PNPLA1: variants seen among roughly 807,000 people sequenced by gnomAD.
The protein encoded by PNPLA1 is patatin like domain 1, omega-hydroxyceramide transacylase, also known as omega-hydroxyceramide transacylase.
In PNPLA1, 36 loss-of-function variants were observed where a neutral mutation model predicts 51.7. The ratio of observed to expected loss-of-function variants is 0.70; its 90% confidence interval spans 0.53 to 0.92. The LOEUF (loss-of-function observed/expected upper bound fraction) is 0.92. Ranked by LOEUF, PNPLA1 falls within the 40% of genes least tolerant of loss-of-function variation. The pLI is 0.00. For synonymous variants in PNPLA1, 293 were observed against 280.1 expected (o/e 1.05, Z -0.46); for missense variants, 658 against 682.5 (o/e 0.96, Z 0.40).
intron 1 of PNPLA1, among the ~76,000 whole-genome samples, chr6:36,259,715 A>G (rs1160560276): frequency 6.6e-6 from 1 of 152,164 alleles, no homozygotes; most frequent in East Asian, 1.9e-4. Context: ...CCATTATCCT[A>G]CACAAATTAA....
At chr6:36,293,218 A>G in intron 3 of PNPLA1, 92 bp downstream of exon 3, 1 of 1,288,468 alleles carries the variant, frequency 7.8e-7, no homozygotes, top group South Asian at 1.2e-5. Context: ...GGGTGGTCTC[A>G]GAATGCAGCG....
chr6:36,299,245 A>T (rs1456341281), intron 5 of PNPLA1, among the ~76,000 whole-genome samples: 1 of 152,146 alleles, frequency 6.6e-6, no homozygotes, highest in Non-Finnish European at 1.5e-5. Flanking sequence ...TTGTTTTCCA[A>T]AGCAGTTGTA....
At chr6:36,289,436 C>T (rs1424005207) in intron 1 of PNPLA1, among the ~76,000 whole-genome samples, 1 of 152,168 alleles carries the variant, frequency 6.6e-6, no homozygotes. Flanking sequence ...TGCTGCCCTC[C>T]CTTGAAGGTA....
rs544879581 is a variant in PNPLA1 at position 36,264,051 on chromosome 6, G to A, written c.-81+20790G>A. Among the ~76,000 whole-genome samples, 17 of 152,242 alleles carry A rather than the reference G, an allele frequency of 1.1e-4. 1 individual carries two copies. In the South Asian group the frequency reaches 2.5e-3, roughly 22 times the overall value. The stretch of plus-strand genomic sequence containing the variant: ...CCCTTCTGCCCCATGACCGAACCTG[G>A]AGCTTCCCCATGCAGTCCTGCATGG... On this transcript the variant is annotated intron_variant, in intron 1 of 7. Coordinates refer to the PNPLA1 transcript ENST00000312917.
chr6:36,291,174 G>A (rs374914325), intron 1 of PNPLA1, 146 bp from the exon 2 acceptor site: 5 of 645,420 alleles, frequency 7.7e-6, no homozygotes, highest in South Asian at 5.8e-5. Flanking sequence ...ACAGCAGGCC[G>A]ATTCCTGGGG....
upstream of PNPLA1, among the ~76,000 whole-genome samples, chr6:36,268,245 T>A (rs1769808347): frequency 6.6e-6 from 1 of 152,160 alleles, no homozygotes; most frequent in African/African-American, 2.4e-5. Context: ...AAGCCTTGAC[T>A]CTTACTACCC....
At position 36,313,333 on chromosome 6, in the gene PNPLA1, TCCAGGTC is replaced by T. The variant is rs889720668; in HGVS notation, c.*1450_*1456del. On this transcript the variant is annotated 3_prime_UTR_variant, in exon 9 of 9. Transcript: ENST00000636260. Reference sequence around the variant, plus strand: ...CCTCCTCCCCAGAGAGCAGACAACCTCCAGGTCCCGCCAGGCCCAGCAAGGAAGCCCC... The same window carrying T: ...CCTCCTCCCCAGAGAGCAGACAACCTCCGCCAGGCCCAGCAAGGAAGCCCC... 2.0e-5 allele frequency among the ~76,000 whole-genome samples: 3 copies of T among 151,962 alleles called. No individual in the cohort carries two copies. Among genetic ancestry groups the T allele is most frequent in the African/African-American group, 7.3e-5 (3 of 41,368 alleles).
chr6:36,248,025 A>G (rs896672367), intron 1 of PNPLA1, among the ~76,000 whole-genome samples: 8 of 152,172 alleles, frequency 5.3e-5, no homozygotes, highest in African/African-American at 1.7e-4. Flanking sequence ...ACTGGAACCC[A>G]GATCTGCCTC....
chr6:36,300,906 T>C (rs1771021426), intron 5 of PNPLA1, among the ~76,000 whole-genome samples: 1 of 152,246 alleles, frequency 6.6e-6, no homozygotes, highest in Non-Finnish European at 1.5e-5. Context: ...TTTACTTACC[T>C]ACGTAATATA....
intron 1 of PNPLA1, among the ~76,000 whole-genome samples, chr6:36,248,434 G>A (rs1366855061): frequency 6.6e-6 from 1 of 152,056 alleles, no homozygotes; most frequent in Non-Finnish European, 1.5e-5. Flanking sequence ...ATTAGGAAGT[G>A]ACACAGCCTA....
Position 36,294,389 on chromosome 6 carries a change from C to A in PNPLA1, c.704C>A (p.Pro235Gln), listed in dbSNP as rs376245108. Reference sequence around the variant, plus strand: ...AGGATGACCCACGCATTGTTCCCCCCGGACCTGGTGGTGAGAGGCAGGAGG... The same window carrying A: ...AGGATGACCCACGCATTGTTCCCCCAGGACCTGGTGGTGAGAGGCAGGAGG... ...IARMTHALFPPDLVILHDYYY... is the reference protein window; with the variant it reads ...IARMTHALFPQDLVILHDYYY... Residue 235 changes from proline to glutamine, a missense_variant, in exon 4 of 9, where the codon CCG becomes CAG. Transcript: ENST00000636260. The surrounding 1 kb of genome is among the most constrained non-coding windows in gnomAD (Gnocchi z 4.2). 1 of 1,613,952 alleles carries A rather than the reference C, an allele frequency of 6.2e-7. No individual in the cohort carries two copies. Among genetic ancestry groups the A allele is most frequent in the Non-Finnish European group, 8.5e-7 (1 of 1,179,898 alleles).
At chr6:36,272,360 G>A (rs1769941878) in intron 1 of PNPLA1, among the ~76,000 whole-genome samples, 2 of 152,130 alleles carry the variant, frequency 1.3e-5, no homozygotes, top group Admixed American at 6.5e-5. Context: ...GACAGGACGC[G>A]GAGCTCAGGC....
At chr6:36,274,346 G>T (rs945578498) in intron 1 of PNPLA1, among the ~76,000 whole-genome samples, 1 of 152,154 alleles carries the variant, frequency 6.6e-6, no homozygotes, top group Non-Finnish European at 1.5e-5. Context: ...AGGAGGCAGG[G>T]TCGGGGAGTC....
intron 1 of PNPLA1, among the ~76,000 whole-genome samples, chr6:36,287,963 G>A (rs1249317092): frequency 6.6e-6 from 1 of 152,184 alleles, no homozygotes; most frequent in East Asian, 1.9e-4. Context: ...ACCATTTTCA[G>A]ATGTGAGTAC....
chr6:36,251,376 T>C (rs1449756257), intron 1 of PNPLA1, among the ~76,000 whole-genome samples: 1 of 152,200 alleles, frequency 6.6e-6, no homozygotes, highest in Non-Finnish European at 1.5e-5. Flanking sequence ...AATAAATATG[T>C]GTTGAGTGTG....
chr6:36,251,287 C>T (rs1197425511), intron 1 of PNPLA1, among the ~76,000 whole-genome samples: 1 of 152,062 alleles, frequency 6.6e-6, no homozygotes, highest in African/African-American at 2.4e-5. Context: ...ACAGTGATGC[C>T]ATCATAGCTC....
intron 1 of PNPLA1, among the ~76,000 whole-genome samples, chr6:36,247,644 T>G (rs999683718): frequency 6.6e-6 from 1 of 152,038 alleles, no homozygotes; most frequent in Non-Finnish European, 1.5e-5. Context: ...GGGGGGACGT[T>G]GTGTTGTGTC....
chr6:36,289,997 T>G (rs1426237003), intron 1 of PNPLA1, among the ~76,000 whole-genome samples: 2 of 152,204 alleles, frequency 1.3e-5, no homozygotes, highest in Non-Finnish European at 2.9e-5. Flanking sequence ...CCGGATATAT[T>G]GCAAGGTGCC....
intron 1 of PNPLA1, among the ~76,000 whole-genome samples, chr6:36,255,486 C>T (rs191657978): frequency 4.8e-4 from 73 of 152,176 alleles, no homozygotes; most frequent in Admixed American, 1.4e-3. Context: ...GCCTGGGCAA[C>T]AAGAGTGAAA....
Sources: allele counts gnomAD v4.1 joint callset (sites outside exome capture counted in the v4.1 genomes callset), GRCh38; gene constraint gnomAD v4.1.1; non-coding constraint Gnocchi (gnomAD v3.1); transcripts MANE v1.5; gene names NCBI Gene and HGNC (gene_info 2026-07-23, HGNC 2026-07-21).